The following AKAP6 variants were observed in gnomAD, a reference collection of about 807,000 sequenced individuals.
AKAP6 encodes A-kinase anchor protein 6.
AKAP6 carries 58 observed loss-of-function variants against 188.5 expected under a neutral mutation model. The ratio of observed to expected loss-of-function variants is 0.31; its 90% CI spans 0.25 to 0.38. The LOEUF is 0.38. Ranked by LOEUF, AKAP6 falls within the 10% of genes least tolerant of loss-of-function variation. AKAP6 has a pLI of 1.00. For synonymous variants in AKAP6, 989 were observed against 998.6 expected (o/e 0.99, Z 0.18); for missense variants, 2,710 against 2,740.0 (o/e 0.99, Z 0.24).
At chr14:32,363,057 A>G (rs1887715990) in intron 1 of AKAP6, among the ~76,000 whole-genome samples, 1 of 152,218 alleles carries the variant, frequency 6.6e-6, no homozygotes, top group South Asian at 2.1e-4. Flanking sequence ...CACTGGAGCT[A>G]CAGAGAGAAA....
In AKAP6 at chr14:32,824,743, T is replaced by G; in HGVS notation, c.6930T>G (p.His2310Gln). 2.5e-6 allele frequency: 4 copies of G among 1,611,808 alleles called. No individual in the cohort carries two copies. The highest frequency in any genetic ancestry group is 3.4e-6 in the Non-Finnish European group (4 of 1,179,316). ...GTGAAGAAAATCTTCTAAACCTTCA[T>G]GAAAAACGACATAGAAATATGCATA... ...LTCEENLLNL[H>Q]EKRHRNMHR Residue 2310 changes from histidine (H) to glutamine (Q), a missense_variant, in exon 13 of 14, where the codon CAT becomes CAG. Transcript: ENST00000280979.
chr14:32,724,990 T>TAAAAAA (rs71432079), intron 9 of AKAP6, among the ~76,000 whole-genome samples: 743 of 34,900 alleles, frequency 0.021, 162 homozygotes, highest in African/African-American at 0.063. Flanking sequence ...ATATTCAACC[T>TAAAAAA]AAAAAAAAAA....
At chr14:32,784,894 T>TATC (rs1171885667) in intron 12 of AKAP6, among the ~76,000 whole-genome samples, 1 of 152,120 alleles carries the variant, frequency 6.6e-6, no homozygotes, top group East Asian at 1.9e-4. Context: ...TTGTTTAGTA[T>TATC]ATCTTGGTTA....
chr14:32,804,426 C>G (rs962354393), intron 12 of AKAP6, among the ~76,000 whole-genome samples: 1 of 152,190 alleles, frequency 6.6e-6, no homozygotes, highest in East Asian at 1.9e-4. Context: ...GAGTCTCAGA[C>G]CAGCAAGTTT....
chr14:32,555,846 G>T (rs978778651), intron 4 of AKAP6, among the ~76,000 whole-genome samples: 3 of 152,272 alleles, frequency 2.0e-5, no homozygotes, highest in Non-Finnish European at 2.9e-5. Flanking sequence ...TCATCTGCCA[G>T]TGGACAATCT....
intron 2 of AKAP6, among the ~76,000 whole-genome samples, chr14:32,497,414 GGGGATT>G: frequency 6.6e-6 from 1 of 152,060 alleles, no homozygotes; most frequent in South Asian, 2.1e-4. Context: ...CTAAGTATTT[GGGGATT>G]TTCCAAAAGT....
chr14:32,557,956 A>G (rs765966713), intron 4 of AKAP6, among the ~76,000 whole-genome samples: 2 of 152,104 alleles, frequency 1.3e-5, no homozygotes, highest in South Asian at 2.1e-4. Context: ...TGATGACACT[A>G]TGAGTTGTCT....
rs567375624 is a variant in AKAP6, at chr14:32,646,408, A to T, written c.2731-31903A>T. 1.2e-3 allele frequency among the ~76,000 whole-genome samples: 189 copies of T among 152,274 alleles called. 2 individuals are homozygous for T. The highest frequency in any genetic ancestry group is 0.01 in the Middle Eastern group (3 of 294). Reference sequence around the variant, plus strand: ...AGACATAAATAGAGATTCTGAGTTTAGGCTAAGCAACTGTGTAGTAACAAT... The same window carrying T: ...AGACATAAATAGAGATTCTGAGTTTTGGCTAAGCAACTGTGTAGTAACAAT... On this transcript the variant is annotated intron_variant, in intron 7 of 13. Coordinates refer to ENST00000280979, the MANE Select transcript of AKAP6 (RefSeq NM_004274.5).
chr14:32,413,656 G>A (rs1302673421), intron 1 of AKAP6, among the ~76,000 whole-genome samples: 1 of 152,228 alleles, frequency 6.6e-6, no homozygotes, highest in East Asian at 1.9e-4. Context: ...TTAGCATAAT[G>A]TCTTGAGGAC....
intron 7 of AKAP6, among the ~76,000 whole-genome samples, chr14:32,620,472 G>A (rs1013564762): frequency 1.3e-5 from 2 of 151,992 alleles, no homozygotes; most frequent in South Asian, 2.1e-4. Context: ...CACATTTATC[G>A]ACTTGTGTAT....
At chr14:32,531,689 C>T (rs527944744) in intron 2 of AKAP6, among the ~76,000 whole-genome samples, 1 of 152,246 alleles carries the variant, frequency 6.6e-6, no homozygotes, top group Admixed American at 6.5e-5. Context: ...TATTGTCTAT[C>T]ATTATAGTTT....
intron 1 of AKAP6, among the ~76,000 whole-genome samples, chr14:32,359,506 A>G (rs1244167557): frequency 2.0e-5 from 3 of 151,892 alleles, no homozygotes; most frequent in African/African-American, 7.2e-5. Flanking sequence ...TAATTATGGT[A>G]TATTTATCAA....
chr14:32,564,699 A>C (rs949821685), intron 4 of AKAP6, among the ~76,000 whole-genome samples: 3 of 152,216 alleles, frequency 2.0e-5, no homozygotes, highest in Non-Finnish European at 2.9e-5. Flanking sequence ...AGAAGGCATG[A>C]AAAATCATTC....
chr14:32,645,453 T>G (rs1569976), intron 7 of AKAP6, among the ~76,000 whole-genome samples: 38,560 of 152,142 alleles, frequency 0.25, 5,270 homozygotes, highest in South Asian at 0.37. Context: ...TTAAATTTAT[T>G]TATTAATTTT....
chr14:32,436,369 C>T (rs533756729), intron 2 of AKAP6, among the ~76,000 whole-genome samples: 1 of 152,140 alleles, frequency 6.6e-6, no homozygotes, highest in Admixed American at 6.5e-5. Context: ...AGCTGTTAAT[C>T]CTCTCCCAAT....
chr14:32,398,503 C>T (rs368126185), intron 1 of AKAP6, among the ~76,000 whole-genome samples: 1 of 152,148 alleles, frequency 6.6e-6, no homozygotes, highest in South Asian at 2.1e-4. Flanking sequence ...TGGATTAAGA[C>T]AGAAACATTA....
intron 2 of AKAP6, among the ~76,000 whole-genome samples, chr14:32,510,370 ATATATATGTG>A (rs1231039508): frequency 1.2e-4 from 8 of 67,878 alleles, no homozygotes; most frequent in Admixed American, 7.1e-4. Context: ...ATATATGTGT[ATATATATGTG>A]TATATATATA....
intron 9 of AKAP6, among the ~76,000 whole-genome samples, chr14:32,699,771 C>T (rs1440651232): frequency 1.3e-5 from 2 of 152,142 alleles, no homozygotes; most frequent in Non-Finnish European, 2.9e-5. Flanking sequence ...TGAGAATTAC[C>T]TCGAAGGAGA....
At chr14:32,412,985 A>AT (rs903038089) in intron 1 of AKAP6, among the ~76,000 whole-genome samples, 5 of 152,108 alleles carry the variant, frequency 3.3e-5, no homozygotes, top group African/African-American at 1.2e-4. Flanking sequence ...ACCATGTGCC[A>AT]TTTTATATAC....
Sources: gnomAD v4.1 joint callset for allele counts (sites outside exome capture counted in the v4.1 genomes callset) on GRCh38, gnomAD v4.1.1 for gene constraint, MANE v1.5 for transcripts, NCBI Gene and HGNC (gene_info 2026-07-23, HGNC 2026-07-21) for gene names.